Variants in CNTN6 observed in about 807,000 individuals in gnomAD.
CNTN6 encodes contactin-6.
CNTN6 carries 137 observed loss-of-function variants against 122.8 expected under a neutral mutation model. That is an observed-to-expected ratio of 1.12 (90% CI 0.97 to 1.29). CNTN6 has a LOEUF of 1.29. Among genes scored for constraint, CNTN6 ranks in the 50% most tolerant of loss-of-function variants. The pLI, the probability that CNTN6 is intolerant of heterozygous loss-of-function variation, is 0.00. For missense variants in CNTN6, 1,634 were observed against 1,223.4 expected (o/e 1.34, Z -5.01); for synonymous variants, 570 against 426.0 (o/e 1.34, Z -4.16).
intron 12 of CNTN6, among the ~76,000 whole-genome samples, chr3:1,362,298 A>G (rs1401407633): frequency 6.6e-6 from 1 of 152,154 alleles, no homozygotes; most frequent in Non-Finnish European, 1.5e-5. Context: ...GAATAACTGG[A>G]GCTATGACCA....
At chr3:1,126,243 G>A (rs1420721288) in intron 1 of CNTN6, among the ~76,000 whole-genome samples, 1 of 151,814 alleles carries the variant, frequency 6.6e-6, no homozygotes, top group Admixed American at 6.6e-5. Context: ...AGTTGAATCA[G>A]TATGTGATTT....
At chr3:1,277,487 C>G (rs1182183588) in intron 4 of CNTN6, among the ~76,000 whole-genome samples, 2 of 150,132 alleles carry the variant, frequency 1.3e-5, no homozygotes, top group African/African-American at 4.9e-5. Context: ...AGCCTCCTGA[C>G]ATAGCTGGAA....
At chr3:1,157,136 G>A (rs1026652110) in intron 2 of CNTN6, among the ~76,000 whole-genome samples, 7 of 151,272 alleles carry the variant, frequency 4.6e-5, no homozygotes, top group African/African-American at 1.7e-4. Flanking sequence ...GGGAAACTGG[G>A]GTATCCAGTC....
At chr3:1,247,184 A>AT (rs142782625) in intron 4 of CNTN6, among the ~76,000 whole-genome samples, 4,365 of 151,870 alleles carry the variant, frequency 0.029, 119 homozygotes, top group Admixed American at 0.053. Context: ...TTATTCATTT[A>AT]TTTTCATGGT....
chr3:1,151,442 TA>T (rs1159773621), intron 2 of CNTN6, among the ~76,000 whole-genome samples: 1 of 150,418 alleles, frequency 6.6e-6, no homozygotes, highest in East Asian at 1.9e-4. Flanking sequence ...AGAATTGTAA[TA>T]ACGTTTTAAA....
At chr3:1,254,216 C>G (rs920892989) in intron 4 of CNTN6, among the ~76,000 whole-genome samples, 1 of 152,122 alleles carries the variant, frequency 6.6e-6, no homozygotes, top group African/African-American at 2.4e-5. Context: ...CAGAAGTAAC[C>G]GCTTTCCTGA....
intron 5 of CNTN6, among the ~76,000 whole-genome samples, chr3:1,284,632 G>T (rs1283034845): frequency 6.6e-6 from 1 of 152,136 alleles, no homozygotes; most frequent in Non-Finnish European, 1.5e-5. Flanking sequence ...TTAGCTCCAT[G>T]AATCTTATAA....
chr3:1,395,203 C>T (rs772118981), intron 20 of CNTN6, among the ~76,000 whole-genome samples: 1 of 152,162 alleles, frequency 6.6e-6, no homozygotes, highest in Non-Finnish European at 1.5e-5. Context: ...CTTTGACATT[C>T]TACATCACAG....
At chr3:1,308,305 G>GTGTGTGTGTGTGTGTGTGTGTGTT (rs1698687526) in intron 7 of CNTN6, among the ~76,000 whole-genome samples, 1 of 151,592 alleles carries the variant, frequency 6.6e-6, no homozygotes, top group Non-Finnish European at 1.5e-5. Flanking sequence ...GTGTGTGTGT[G>GTGTGTGTGTGTGTGTGTGTGTGTT]TGTGTGTGTG....
Position 1,374,071 on chromosome 3 carries a change from C to T in CNTN6, c.2093C>T (p.Ser698Leu), listed in dbSNP as rs1196517033. 1.2e-6 allele frequency: 2 copies of T among 1,611,850 alleles called. No individual in the cohort carries two copies. The highest frequency in any genetic ancestry group is 1.7e-6 in the Non-Finnish European group (2 of 1,178,538). Reference sequence around the variant, plus strand: ...TCAGAATTGTTAAGAACTAAAGCATCAGGTAAAGAATCAATGTGTTCTAAA... The same window carrying T: ...TCAGAATTGTTAAGAACTAAAGCATTAGGTAAAGAATCAATGTGTTCTAAA... ...EPSELLRTKA[S>L]VPVVAPVNIH... The change falls in exon 16 of 23, where the codon TCA (serine) becomes TTA (leucine). Residue 698 changes from serine to leucine, a missense_variant and splice_region_variant. Physicochemically the swap from Ser to Leu is moderately radical, Grantham distance 145. Transcript: ENST00000446702.
At chr3:1,119,621 T>G (rs2091875824) in intron 1 of CNTN6, among the ~76,000 whole-genome samples, 1 of 151,702 alleles carries the variant, frequency 6.6e-6, no homozygotes. Context: ...AGAACTTCAG[T>G]TACTAGATAA....
intron 10 of CNTN6, 89 bp downstream of exon 10, chr3:1,327,675 A>AAAGCTAAT: frequency 7.6e-7 from 1 of 1,322,892 alleles, no homozygotes; most frequent in Non-Finnish European, 1.0e-6. Context: ...TTTTTTGTAA[A>AAAGCTAAT]TTAGAAATTG....
At position 1,248,625 on chromosome 3, in the gene CNTN6, G is replaced by C. The variant is rs552080252; in HGVS notation, c.358+20632G>C. Among the ~76,000 whole-genome samples the C allele has an allele frequency of 2.6e-5, 4 of 152,200 alleles. No homozygotes were observed. The South Asian group carries it at 8.3e-4, about 32-fold the overall frequency. ...GCGTGAGTTCAGGAGTTTGAGACTA[G>C]GTTGGCCAACATGGTGAAACTCTGT... On this transcript the variant is annotated intron_variant, in intron 4 of 22. Transcript: ENST00000446702.
chr3:1,237,437 C>T lies in CNTN6; in HGVS notation c.358+9444C>T, dbSNP rs187642898. 1.8e-3 allele frequency among the ~76,000 whole-genome samples: 279 copies of T among 152,014 alleles called. 1 individual carries two copies. The highest frequency in any genetic ancestry group is 2.9e-3 in the Non-Finnish European group (200 of 67,974). On this transcript the variant is annotated intron_variant, in intron 4 of 22. Coordinates refer to ENST00000446702, the MANE Select transcript of CNTN6 (RefSeq NM_001289080.2). ...CAAACCTAAGAATAATTGGTGTTCC[C>T]GAGGAAGAAGAGAAATCTAACAATT...
intron 4 of CNTN6, among the ~76,000 whole-genome samples, chr3:1,250,286 G>T (rs1238425889): frequency 6.6e-6 from 1 of 152,118 alleles, no homozygotes; most frequent in Admixed American, 6.5e-5. Context: ...GCATTTCAAA[G>T]CATGTCCCAG....
At chr3:1,274,341 T>C (rs148201038) in intron 4 of CNTN6, among the ~76,000 whole-genome samples, 56 of 152,232 alleles carry the variant, frequency 3.7e-4, no homozygotes, top group African/African-American at 1.2e-3. Flanking sequence ...GGAAGCATAT[T>C]TGATGTAAAT....
chr3:1,181,244 G>C (rs532534881), intron 2 of CNTN6, among the ~76,000 whole-genome samples: 1 of 152,122 alleles, frequency 6.6e-6, no homozygotes, highest in African/African-American at 2.4e-5. Context: ...ATTTTCTCTA[G>C]AGATGCACAA....
At chr3:1,390,175 G>A (rs948677325) in intron 20 of CNTN6, among the ~76,000 whole-genome samples, 173 of 151,844 alleles carry the variant, frequency 1.1e-3, no homozygotes, top group African/African-American at 3.9e-3. Flanking sequence ...GCTCTCCTCA[G>A]CAAATGTAAA....
At chr3:1,331,626 C>T (rs1373541837) in intron 11 of CNTN6, among the ~76,000 whole-genome samples, 1 of 151,868 alleles carries the variant, frequency 6.6e-6, no homozygotes, top group Non-Finnish European at 1.5e-5. Context: ...AACAGAAAAA[C>T]ATAAGAGATC....
Sources: allele counts gnomAD v4.1 joint callset (sites outside exome capture counted in the v4.1 genomes callset), GRCh38; gene constraint gnomAD v4.1.1; transcripts MANE v1.5; gene names NCBI Gene and HGNC (gene_info 2026-07-23, HGNC 2026-07-21).